The following DNAH17 variants were observed in gnomAD, a reference collection of about 807,000 sequenced individuals.
DNAH17 encodes the protein dynein axonemal heavy chain 17.
In DNAH17, 376 loss-of-function variants were observed where a neutral mutation model predicts 485.6. The observed-to-expected ratio is 0.77, with a 90% CI of 0.71 to 0.84. The LOEUF is 0.84. Ranked by LOEUF, DNAH17 falls within the 40% of genes least tolerant of loss-of-function variation. The pLI is 0.00. For synonymous variants in DNAH17, 3,031 were observed against 2,405.9 expected (o/e 1.26, Z -7.60); for missense variants, 6,370 against 5,839.3 (o/e 1.09, Z -2.96).
In DNAH17 at chr17:78,486,304, CG is replaced by C. The variant is rs769976401; in HGVS notation, c.7020del (p.Asp2341ThrfsTer111). 1.9e-6 allele frequency: 3 copies of C among 1,612,832 alleles called. No homozygotes were observed. Among genetic ancestry groups the C allele is most frequent in the South Asian group, 1.1e-5 (1 of 90,998 alleles). ...ECLLTEKTVP[P>X]DSPRELYELY... ...AGCTCGTACAGCTCCCTGGGGGAGT[CG>C]GGGGGCACGGTCTTCTCCGTGAGCA... On this transcript the variant is annotated frameshift_variant, in exon 45 of 81. Coordinates refer to ENST00000389840, the MANE Select transcript of DNAH17 (RefSeq NM_173628.4). LOFTEE classifies it high-confidence loss of function.
At chr17:78,468,992 C>A in intron 54 of DNAH17, 109 bp from the exon 55 acceptor site, 1 of 1,370,770 alleles carries the variant, frequency 7.3e-7, no homozygotes, top group South Asian at 1.5e-5. Context: ...GAGACGGAGT[C>A]TCGCTCTGTC....
intron 16 of DNAH17, among the ~76,000 whole-genome samples, chr17:78,546,888 G>C (rs1314178228): frequency 6.8e-6 from 1 of 147,244 alleles, no homozygotes; most frequent in Non-Finnish European, 1.5e-5. Flanking sequence ...CTGGGTGACA[G>C]AGTAAGACTC....
Position 78,526,653 on chromosome 17 carries a change from T to C in DNAH17, c.3709A>G (p.Lys1237Glu), listed in dbSNP as rs760361983. ...ATCTCACCCTTGAGCAAAAATACCT[T>C]ATTCAGGGACTTGTAGGGGTTGGGG... ...SDPNPYKSLNKQQKSISAMEG... is the reference protein window; with the variant it reads ...SDPNPYKSLNEQQKSISAMEG... Residue 1237 changes from lysine to glutamate, a missense_variant and splice_region_variant, in exon 24 of 81, where the codon AAG (lysine) becomes GAG (glutamate). By Grantham distance (56) the Lys-to-Glu change is moderately conservative. Coordinates refer to ENST00000389840, the MANE Select transcript of DNAH17 (RefSeq NM_173628.4). The C allele has an allele frequency of 1.3e-6, 2 of 1,599,590 alleles. No homozygotes were observed. The highest frequency in any genetic ancestry group is 1.7e-6 in the Non-Finnish European group (2 of 1,170,216).
In DNAH17 at chr17:78,451,605, T is replaced by G; in HGVS notation, c.10598A>C (p.Tyr3533Ser). The G allele has an allele frequency of 5.0e-6, 8 of 1,610,404 alleles. No individual in the cohort carries two copies. Among genetic ancestry groups the G allele is most frequent in the Non-Finnish European group, 6.8e-6 (8 of 1,178,316 alleles). The change falls in exon 66 of 81, where the codon TAC becomes TCC. Residue 3533 changes from tyrosine to serine, a missense_variant. Tyr to Ser is a moderately radical substitution (Grantham distance 144, BLOSUM62 -2). Transcript: ENST00000389840. ...PKFRLILHTK[Y>S]FNPHYKPEMQ... ...CTCTGGCTTGTAGTGTGGGTTGAAG[T>G]ACTTGGTGTGTAGGATCAGGCGGAA...
At chr17:78,490,665 A>T in intron 44 of DNAH17, 34 bp downstream of exon 44, 3 of 1,580,082 alleles carry the variant, frequency 1.9e-6, no homozygotes, top group Non-Finnish European at 2.6e-6. Flanking sequence ...TTCCCTGCCG[A>T]GGTTTGGAAC....
At position 78,461,588 on chromosome 17, in the gene DNAH17, C is replaced by T. The variant is rs886449926; in HGVS notation, c.9295G>A (p.Ala3099Thr). The change falls in exon 58 of 81, where the codon GCC becomes ACC. Residue 3099 changes from alanine to threonine, a missense_variant. Ala to Thr is a moderately conservative substitution (Grantham distance 58). Transcript: ENST00000389840. ...TTGACTTCTTCCTGGTCAGCAATGGCCTTCTCTTTGCTGACCTTCTCGGCC... is the reference window on the plus strand; with the variant it reads ...TTGACTTCTTCCTGGTCAGCAATGGTCTTCTCTTTGCTGACCTTCTCGGCC... ...IEAEKVSKEK[A>T]IADQEEVKVE... 1 of 1,605,672 alleles carries T rather than the reference C, an allele frequency of 6.2e-7. No homozygotes were observed. Among genetic ancestry groups the T allele is most frequent in the Admixed American group, 1.7e-5 (1 of 58,748 alleles).
intron 16 of DNAH17, 132 bp downstream of exon 16, chr17:78,551,403 A>T: frequency 1.4e-6 from 1 of 715,278 alleles, no homozygotes; most frequent in Non-Finnish European, 2.4e-6. Flanking sequence ...ACCGGTGGAG[A>T]GCACTGCACG....
chr17:78,500,376 T>G lies in DNAH17; in HGVS notation c.5569A>C (p.Thr1857Pro). The G allele has an allele frequency of 6.2e-7, 1 of 1,612,542 alleles. No homozygotes were observed. Among genetic ancestry groups the G allele is most frequent in the Non-Finnish European group, 8.5e-7 (1 of 1,179,416 alleles). The stretch of plus-strand genomic sequence containing the variant: ...CCCAGGGCTCTGCCCAGGTCCTTGG[T>G]CGTCTCAGTCTTGCCGGTCCCAGCG... The part of the protein sequence containing the change: ...GPAGTGKTET[T>P]KDLGRALGTM... The change falls in exon 36 of 81, where the codon ACC becomes CCC. Residue 1857 changes from threonine (T) to proline (P), a missense_variant. By Grantham distance (38) the Thr-to-Pro change is conservative. Transcript: ENST00000389840.
rs1248983917 is a variant in DNAH17, at chr17:78,507,532, T to C, written c.4510A>G (p.Ile1504Val). ...TGGGTGCGGATGTCTTCGGAGCCGA[T>C]GAAGATGCTCTCCAGGTGGCTCCAG... ...RTWSHLESIF[I>V]GSEDIRTQLP... Residue 1504 changes from isoleucine to valine, a missense_variant, in exon 28 of 81, where the codon ATC becomes GTC. Ile to Val is a conservative substitution (Grantham distance 29). Coordinates refer to ENST00000389840, the MANE Select transcript of DNAH17 (RefSeq NM_173628.4). 1 of 1,613,916 alleles carries C rather than the reference T, an allele frequency of 6.2e-7. No individual in the cohort carries two copies. The highest frequency in any genetic ancestry group is 8.5e-7 in the Non-Finnish European group (1 of 1,179,902).
rs757124561 is a variant in DNAH17, at chr17:78,450,434, G to A, written c.10900-40C>T. The A allele has an allele frequency of 2.6e-5, 42 of 1,609,636 alleles. No individual in the cohort carries two copies. The Middle Eastern group carries it at 6.6e-4, about 25-fold the overall frequency. On this transcript the variant is annotated intron_variant, in intron 67 of 80. Transcript: ENST00000389840. ...AAGGGGTGTGAATGACACAGCAGATGGGCAGTGCCATGAGCAGGTGGGCTC... is the reference window on the plus strand; with the variant it reads ...AAGGGGTGTGAATGACACAGCAGATAGGCAGTGCCATGAGCAGGTGGGCTC...
At chr17:78,502,801 AG>A in intron 32 of DNAH17, 84 bp downstream of exon 32, 1 of 1,588,650 alleles carries the variant, frequency 6.3e-7, no homozygotes, top group Non-Finnish European at 8.6e-7. Flanking sequence ...AGGGGACCAC[AG>A]TTAACAGCGG....
Position 78,526,801 on chromosome 17 carries a change from C to T in DNAH17, c.3625-64G>A, listed in dbSNP as rs115336977. The T allele has an allele frequency of 6.8e-4, 1,064 of 1,561,988 alleles. 2 individuals carry two copies. In the African/African-American group the frequency reaches 0.012, roughly 18 times the overall value. ...CGGCCACCTGCCCCAAGGGTGGCCC[C>T]ACCCTGTATGCCGCAGGGCCCTGGG... On this transcript the variant is annotated intron_variant, in intron 23 of 80. Coordinates refer to ENST00000389840, the MANE Select transcript of DNAH17 (RefSeq NM_173628.4).
At chr17:78,474,135 C>T (rs1320850213) in intron 54 of DNAH17, among the ~76,000 whole-genome samples, 1 of 152,226 alleles carries the variant, frequency 6.6e-6, no homozygotes, top group East Asian at 1.9e-4. Flanking sequence ...CAGACACCTC[C>T]CACTGCTCCC....
At chr17:78,461,457 C>T (rs1405686302) in intron 58 of DNAH17, 87 bp downstream of exon 58, 49 of 1,334,982 alleles carry the variant, frequency 3.7e-5, no homozygotes, top group Admixed American at 3.2e-4. Flanking sequence ...CCACGCCTGT[C>T]GGTGGCACCT....
At position 78,537,347 on chromosome 17, in the gene DNAH17, G is replaced by T. The variant is rs745515291; in HGVS notation, c.2811C>A (p.Asn937Lys). 3 of 1,605,246 alleles carry T rather than the reference G, an allele frequency of 1.9e-6. No individual in the cohort carries two copies. Among genetic ancestry groups the T allele is most frequent in the South Asian group, 2.2e-5 (2 of 89,428 alleles). ...CCAGCCGAGGGATGAGCCTGGCTAC[G>T]TTGTAGATGTCGTTGACCAGGCCCT... is the stretch of plus-strand genomic sequence containing the variant. ...LIEGLVNDIY[N>K]VARLIPRLAK... Residue 937 changes from asparagine (N) to lysine (K), a missense_variant, in exon 19 of 81, where the codon AAC becomes AAA. Transcript: ENST00000389840.
At position 78,529,688 on chromosome 17, in the gene DNAH17, A is replaced by T. The variant is rs772639905; in HGVS notation, c.3291T>A (p.Ala1097=). The change falls in exon 22 of 81, where the codon GCT becomes GCA. Residue 1097 remains alanine (A), a synonymous_variant. Coordinates refer to ENST00000389840, the MANE Select transcript of DNAH17 (RefSeq NM_173628.4). ...CGACTTTCATGAAGGCTTCCAGGTC[A>T]GCCAGGCTAAGGGACAAGGGGACCA... ...HLSNHVTNSL[A]DLEAFMKVAR... 2 of 1,613,898 alleles carry T rather than the reference A, an allele frequency of 1.2e-6. No individual in the cohort carries two copies. Among genetic ancestry groups the T allele is most frequent in the South Asian group, 2.2e-5 (2 of 91,070 alleles).
At chr17:78,452,208 TGG>T (rs201119753) in intron 65 of DNAH17, among the ~76,000 whole-genome samples, 17,775 of 151,956 alleles carry the variant, frequency 0.12, 1,551 homozygotes, top group African/African-American at 0.24. Flanking sequence ...TGCCACCTCC[TGG>T]GTTCTGGGTT....
At chr17:78,470,465 G>GGA (rs1185698061) in intron 54 of DNAH17, among the ~76,000 whole-genome samples, 1 of 151,924 alleles carries the variant, frequency 6.6e-6, no homozygotes, top group Admixed American at 6.5e-5. Flanking sequence ...CGAGGAGGGT[G>GGA]GATCACCTGA....
rs1057354492 is a variant in DNAH17 at position 78,464,497 on chromosome 17, G to A, written c.8941-1420C>T. On this transcript the variant is annotated intron_variant, in intron 56 of 80. Transcript: ENST00000389840. ...GCTGATCTCGAACTCCTGACCTCAAGTGATCTGCCCGCTTTGGCCCCCCAA... is the reference window on the plus strand; with the variant it reads ...GCTGATCTCGAACTCCTGACCTCAAATGATCTGCCCGCTTTGGCCCCCCAA... 2.6e-5 allele frequency among the ~76,000 whole-genome samples: 4 copies of A among 152,220 alleles called. No individual in the cohort carries two copies. In the South Asian group the frequency reaches 6.2e-4, roughly 24 times the overall value.
Sources: gnomAD v4.1 joint callset for allele counts (sites outside exome capture counted in the v4.1 genomes callset) on GRCh38, gnomAD v4.1.1 for gene constraint, MANE v1.5 for transcripts, NCBI Gene and HGNC (gene_info 2026-07-23, HGNC 2026-07-21) for gene names.